The following GRIK3 variants were observed in gnomAD, a reference collection of about 807,000 sequenced individuals.
GRIK3 encodes glutamate receptor ionotropic, kainate 3.
In GRIK3, 29 loss-of-function variants were observed where a neutral mutation model predicts 102.5. The observed-to-expected ratio is 0.28, with a 90% CI of 0.21 to 0.39. The LOEUF (loss-of-function observed/expected upper bound fraction) is 0.39. Among genes scored for constraint, GRIK3 ranks in the 10% least tolerant of loss-of-function variants. GRIK3 has a pLI of 1.00. For synonymous variants in GRIK3, 511 were observed against 504.9 expected, an observed-to-expected ratio of 1.01 and a Z score of -0.16; for missense variants, 908 against 1,252.4, an observed-to-expected ratio of 0.73 and a Z score of 4.15.
At chr1:37,003,810 C>A (rs921610320) in intron 1 of GRIK3, among the ~76,000 whole-genome samples, 2 of 152,182 alleles carry the variant, frequency 1.3e-5, no homozygotes, top group Admixed American at 6.5e-5. Context: ...AGCTCCATAA[C>A]CTGCCACCCT....
intron 1 of GRIK3, among the ~76,000 whole-genome samples, chr1:36,971,458 A>G (rs1395361902): frequency 2.6e-5 from 4 of 152,192 alleles, no homozygotes; most frequent in African/African-American, 9.7e-5. Context: ...TAGACTGCCA[A>G]TTCTGAGGGC....
intron 10 of GRIK3, among the ~76,000 whole-genome samples, chr1:36,827,417 G>C (rs570411299): frequency 0.021 from 3,177 of 152,166 alleles, 116 homozygotes; most frequent in African/African-American, 0.073. Flanking sequence ...ACAACAGAAA[G>C]GTTAAAGACC....
At position 36,841,745 on chromosome 1, in the gene GRIK3, G is replaced by T; in HGVS notation, c.1521C>A (p.Leu507=). Residue 507 remains leucine (L), a synonymous_variant, in exon 10 of 16, where the codon CTC becomes CTA. Coordinates refer to ENST00000373091, the MANE Select transcript of GRIK3 (RefSeq NM_000831.4). ...KGQWNGMVKE[L]IDHKADLAVA... is the part of the protein sequence containing the mutation. ...TCCCATCCATGCTTACGTGGTCGAT[G>T]AGCTCCTTGACCATGCCGTTCCACT... The T allele has an allele frequency of 1.2e-6, 2 of 1,613,776 alleles. No individual in the cohort carries two copies. Among genetic ancestry groups the T allele is most frequent in the South Asian group, 2.2e-5 (2 of 91,064 alleles).
chr1:36,801,660 G>A lies in GRIK3; in HGVS notation c.*191C>T. On this transcript the variant is annotated 3_prime_UTR_variant, in exon 16 of 16. Transcript: ENST00000373091. ...TAGAAACCCACAGAAGATCTGAGGA[G>A]GATGAAGCCCAAGCAGCTGGCCTGA... 2.0e-6 allele frequency: 1 copy of A among 491,290 alleles called. No individual in the cohort carries two copies. The highest frequency in any genetic ancestry group is 3.5e-6 in the Non-Finnish European group (1 of 281,844). 30.4% of individuals were successfully genotyped at this position (491,290 alleles called of 1,614,324 possible). A position where few individuals can be genotyped will look rare whatever the true frequency, so the allele number is the denominator to read the frequency against.
intron 9 of GRIK3, among the ~76,000 whole-genome samples, chr1:36,848,272 A>C (rs1640542170): frequency 6.6e-6 from 1 of 152,110 alleles, no homozygotes; most frequent in Non-Finnish European, 1.5e-5. Flanking sequence ...CTTGCCTCTT[A>C]CTGTTCAGAG....
At chr1:36,955,732 C>T (rs3753770) in intron 1 of GRIK3, among the ~76,000 whole-genome samples, 4,223 of 152,358 alleles carry the variant, frequency 0.028, 109 homozygotes, top group East Asian at 0.081. Context: ...GACAAAGACA[C>T]AACCAGCACA....
intron 1 of GRIK3, among the ~76,000 whole-genome samples, chr1:36,924,510 G>A (rs913009332): frequency 1.8e-4 from 28 of 152,284 alleles, no homozygotes; most frequent in African/African-American, 6.5e-4. Context: ...GAGTGGGTTG[G>A]GTGCTGAGCC....
chr1:36,851,862 C>T lies in GRIK3; in HGVS notation c.1213-1438G>A, dbSNP rs543916144. 8.5e-5 allele frequency among the ~76,000 whole-genome samples: 13 copies of T among 152,280 alleles called. No homozygotes were observed. In the East Asian group the frequency reaches 9.7e-4, roughly 11 times the overall value. ...TCAGGTGGAAAGAGTACTCAAATGA[C>T]GGATTATTGATGCCTTTTATGGCAC... On this transcript the variant is annotated intron_variant, in intron 8 of 15. Coordinates refer to ENST00000373091, the MANE Select transcript of GRIK3 (RefSeq NM_000831.4).
At chr1:36,859,747 A>T in intron 6 of GRIK3, 97 bp downstream of exon 6, 1 of 986,092 alleles carries the variant, frequency 1.0e-6, no homozygotes. Flanking sequence ...TCAAGAAGAG[A>T]AGTGGTGGAG....
At chr1:36,961,234 C>T (rs1642005507) in intron 1 of GRIK3, among the ~76,000 whole-genome samples, 1 of 152,248 alleles carries the variant, frequency 6.6e-6, no homozygotes, top group Admixed American at 6.5e-5. Context: ...CAAGCACCCA[C>T]CATCCCTCCC....
intron 1 of GRIK3, among the ~76,000 whole-genome samples, chr1:36,981,706 T>C (rs3767102): frequency 0.15 from 23,338 of 151,696 alleles, 2,505 homozygotes; most frequent in African/African-American, 0.3. Flanking sequence ...CTGAGTCATG[T>C]GTCTCTTTAT....
intron 10 of GRIK3, among the ~76,000 whole-genome samples, chr1:36,828,184 T>C (rs751848366): frequency 4.6e-5 from 7 of 151,956 alleles, no homozygotes; most frequent in African/African-American, 1.5e-4. Flanking sequence ...GTAGATAGGA[T>C]CCCTTGGTGG....
chr1:36,923,510 G>C (rs1175269651), intron 1 of GRIK3, among the ~76,000 whole-genome samples: 1 of 152,206 alleles, frequency 6.6e-6, no homozygotes, highest in East Asian at 1.9e-4. Flanking sequence ...GGCCACAAAT[G>C]GGGTGGGTGG....
chr1:36,878,868 C>T (rs564145856), intron 3 of GRIK3, among the ~76,000 whole-genome samples: 169 of 152,306 alleles, frequency 1.1e-3, no homozygotes, highest in Non-Finnish European at 1.0e-3. Context: ...ATCACACTTG[C>T]ACCACTTGGT....
chr1:36,953,565 C>T (rs561644486), intron 1 of GRIK3, among the ~76,000 whole-genome samples: 2 of 152,092 alleles, frequency 1.3e-5, no homozygotes, highest in East Asian at 3.9e-4. Context: ...TGGCCTAGGG[C>T]AGGCTGCTGG....
chr1:36,882,026 CTG>C (rs10536146), intron 2 of GRIK3, among the ~76,000 whole-genome samples: 127,313 of 151,862 alleles, frequency 0.84, 54,419 homozygotes, highest in Admixed American at 0.92. Context: ...GCCTCTGTGT[CTG>C]TGTCTTACTA....
chr1:36,854,730 T>C (rs539454473), intron 7 of GRIK3, among the ~76,000 whole-genome samples: 5 of 152,334 alleles, frequency 3.3e-5, no homozygotes, highest in African/African-American at 1.2e-4. Flanking sequence ...GCTTGCTAAC[T>C]TGATTCTAGA....
intron 1 of GRIK3, among the ~76,000 whole-genome samples, chr1:36,943,309 C>G (rs912436698): frequency 6.6e-6 from 1 of 152,144 alleles, no homozygotes; most frequent in Non-Finnish European, 1.5e-5. Flanking sequence ...ATCCCAGGTC[C>G]CTGGCTGAGG....
rs747676157 is a variant in GRIK3, at chr1:36,841,722, C to T, written c.1530+14G>A. On this transcript the variant is annotated intron_variant, in intron 10 of 15. Coordinates refer to ENST00000373091, the MANE Select transcript of GRIK3 (RefSeq NM_000831.4). ...CAGGGTCCTGAGCCCTCCCATGCTC[C>T]CATCCATGCTTACGTGGTCGATGAG... 12 of 1,607,340 alleles carry T rather than the reference C, an allele frequency of 7.5e-6. No individual in the cohort carries two copies. The South Asian group carries it at 1.2e-4, about 16-fold the overall frequency.
Sources: allele counts gnomAD v4.1 joint callset (sites outside exome capture counted in the v4.1 genomes callset), GRCh38; gene constraint gnomAD v4.1.1; transcripts MANE v1.5; gene names NCBI Gene and HGNC (gene_info 2026-07-23, HGNC 2026-07-21).